The following CNP variants were observed in gnomAD, a reference collection of about 807,000 sequenced individuals.
The protein encoded by CNP is 2',3'-cyclic-nucleotide 3'-phosphodiesterase.
Under a neutral mutation model 37.9 loss-of-function variants are expected in CNP, and 8 were observed. The observed-to-expected ratio is 0.21, with a 90% CI of 0.12 to 0.38. CNP has a LOEUF of 0.38. Ranked by LOEUF, CNP falls within the 10% of genes least tolerant of loss-of-function variation. The pLI, the probability that CNP is intolerant of heterozygous loss-of-function variation, is 1.00. For missense variants in CNP, 457 were observed against 551.0 expected (o/e 0.83, Z 1.71); for synonymous variants, 237 against 238.3 (o/e 0.99, Z 0.05).
At position 41,976,456 on chromosome 17, in the gene CNP, A is replaced by G; in HGVS notation, c.*2532A>G. ...GGGCCAGGAAGGGTCAAAACATTTT[A>G]TTCTCTTTTTTTTTTCTTTTTTAAT... is the stretch of plus-strand genomic sequence containing the variant. On this transcript the variant is annotated 3_prime_UTR_variant, in exon 4 of 4. Coordinates refer to ENST00000393892, the MANE Select transcript of CNP (RefSeq NM_033133.5). 2.7e-6 allele frequency: 1 copy of G among 371,760 alleles called. No individual in the cohort carries two copies. The highest frequency in any genetic ancestry group is 4.6e-6 in the Non-Finnish European group (1 of 216,358). The allele number at this position is 371,760 out of a possible 1,614,324, so 23.0% of individuals were successfully genotyped here. A position where few individuals can be genotyped will look rare whatever the true frequency, so the allele number is the denominator to read the frequency against.
rs1402139977 is a variant in CNP, at chr17:41,973,537, C to T, written c.879C>T (p.Pro293=). ...TLTISALFVT[P]KTTGARVELS... ...CCATCTCTGCCCTCTTTGTGACACC[C>T]AAGACGACTGGGGCCCGGGTGGAGT... Residue 293 remains proline (P), a synonymous_variant, in exon 4 of 4, where the codon CCC becomes CCT. Coordinates refer to ENST00000393892, the MANE Select transcript of CNP (RefSeq NM_033133.5). 1.2e-6 allele frequency: 2 copies of T among 1,614,120 alleles called. No homozygotes were observed. The highest frequency in any genetic ancestry group is 2.2e-5 in the East Asian group (1 of 44,900).
intron 1 of CNP, 141 bp downstream of exon 1, chr17:41,967,028 C>G: frequency 1.0e-6 from 1 of 1,003,900 alleles, no homozygotes. Context: ...TCAGGGCGGC[C>G]CTGAGGTCTG....
At position 41,976,868 on chromosome 17, in the gene CNP, TCAAA is replaced by T; in HGVS notation, c.*2947_*2950del. ...AAAGTCTTCAAGGGCTGCTTCAAACTCAAACACAGAGAGAAACTCTATGGGTATC... is the reference window on the plus strand; with the variant it reads ...AAAGTCTTCAAGGGCTGCTTCAAACTCACAGAGAGAAACTCTATGGGTATC... On this transcript the variant is annotated 3_prime_UTR_variant, in exon 4 of 4. Transcript: ENST00000393892. The T allele has an allele frequency of 2.1e-6, 3 of 1,459,118 alleles. No homozygotes were observed. The highest frequency in any genetic ancestry group is 2.8e-6 in the Non-Finnish European group (3 of 1,076,310). The allele number at this position is 1,459,118 out of a possible 1,614,324, so 90.4% of individuals were successfully genotyped here. A position where few individuals can be genotyped will look rare whatever the true frequency, so the allele number is the denominator to read the frequency against.
At chr17:41,967,857 G>A (rs1371690311) in intron 1 of CNP, 7 of 1,399,720 alleles carry the variant, frequency 5.0e-6, no homozygotes, top group Non-Finnish European at 6.5e-6. Flanking sequence ...GGCAGGAATG[G>A]GGAAAGCGCA....
chr17:41,968,026 C>A lies in CNP; in HGVS notation c.4-42C>A, dbSNP rs782081629. The stretch of plus-strand genomic sequence containing the variant: ...CTAGGGGTAAGGCCGGCGGGGAGCC[C>A]GCGAATGACCTGGGCTGACATCTCT... On this transcript the variant is annotated intron_variant, in intron 1 of 3. Coordinates refer to ENST00000393892, the MANE Select transcript of CNP (RefSeq NM_033133.5). This position sits in a 1 kb window ranked among gnomAD's most constrained non-coding sequence, Gnocchi z 4.8. 1 of 1,573,970 alleles carries A rather than the reference C, an allele frequency of 6.4e-7. No individual in the cohort carries two copies. The highest frequency in any genetic ancestry group is 8.6e-7 in the Non-Finnish European group (1 of 1,157,406).
At position 41,973,555 on chromosome 17, in the gene CNP, G is replaced by C. The variant is rs368335643; in HGVS notation, c.897G>C (p.Arg299=). The change falls in exon 4 of 4, where the codon CGG becomes CGC. Residue 299 remains arginine (R), a synonymous_variant. Coordinates refer to ENST00000393892, the MANE Select transcript of CNP (RefSeq NM_033133.5). Reference sequence around the variant, plus strand: ...TGACACCCAAGACGACTGGGGCCCGGGTGGAGTTAAGCGAGCAGCAACTGC... The same window carrying C: ...TGACACCCAAGACGACTGGGGCCCGCGTGGAGTTAAGCGAGCAGCAACTGC... ...LFVTPKTTGA[R]VELSEQQLQL... is the part of the protein sequence containing the mutation. 3 of 1,614,120 alleles carry C rather than the reference G, an allele frequency of 1.9e-6. No homozygotes were observed. The highest frequency in any genetic ancestry group is 1.7e-6 in the Non-Finnish European group (2 of 1,180,064).
Position 41,976,696 on chromosome 17 carries a change from A to ATT in CNP, c.*2772_*2773insTT. The ATT allele has an allele frequency of 1.2e-6, 2 of 1,606,504 alleles. No homozygotes were observed. Among genetic ancestry groups the ATT allele is most frequent in the Non-Finnish European group, 1.7e-6 (2 of 1,177,916 alleles). On this transcript the variant is annotated 3_prime_UTR_variant, in exon 4 of 4. Transcript: ENST00000393892. ...TCCACATTCAAGATTAAACTGAGTGAATCTGCATTTTCTGGGTTCTGGGTG... is the reference window on the plus strand; with the variant it reads ...TCCACATTCAAGATTAAACTGAGTGATTATCTGCATTTTCTGGGTTCTGGGTG...
chr17:41,966,947 GC>G (rs35984996), intron 1 of CNP, 60 bp downstream of exon 1: 2 of 1,274,922 alleles, frequency 1.6e-6, no homozygotes, highest in Non-Finnish European at 2.0e-6. Flanking sequence ...GAGTGTCGGG[GC>G]CCCTCGGGAG....
chr17:41,968,205 A>C lies in CNP; in HGVS notation c.141A>C (p.Leu47=). The change falls in exon 2 of 4, where the codon CTA becomes CTC. Residue 47 remains leucine (L), a synonymous_variant. Coordinates refer to ENST00000393892, the MANE Select transcript of CNP (RefSeq NM_033133.5). The surrounding 1 kb of genome is among the most constrained non-coding windows in gnomAD (Gnocchi z 4.8). ...ATGAGGACACAGTGGCCACGCTGCT[A>C]GAGTGCAAGACGCTCTTCATCTTGC... ...LQDEDTVATL[L]ECKTLFILRG... is the part of the protein sequence containing the mutation. 6.2e-7 allele frequency: 1 copy of C among 1,614,166 alleles called. No individual in the cohort carries two copies. Among genetic ancestry groups the C allele is most frequent in the East Asian group, 2.2e-5 (1 of 44,868 alleles).
Position 41,976,631 on chromosome 17 carries a change from A to G in CNP, c.*2707A>G, listed in dbSNP as rs1484084824. On this transcript the variant is annotated 3_prime_UTR_variant, in exon 4 of 4. Coordinates refer to ENST00000393892, the MANE Select transcript of CNP (RefSeq NM_033133.5). The stretch of plus-strand genomic sequence containing the variant: ...CCAACTGAGAAAACGAAACTGCTCT[A>G]AGCACACGGAGACGTGATGAAGGGA... 9 of 1,485,284 alleles carry G rather than the reference A, an allele frequency of 6.1e-6. No individual in the cohort carries two copies. The East Asian group carries it at 6.9e-5, about 11-fold the overall frequency. The allele number at this position is 1,485,284 out of a possible 1,614,324, so 92.0% of individuals were successfully genotyped here. A position where few individuals can be genotyped will look rare whatever the true frequency, so the allele number is the denominator to read the frequency against.
At position 41,973,423 on chromosome 17, in the gene CNP, C is replaced by T. The variant is rs189232763; in HGVS notation, c.817-52C>T. 23 of 1,546,484 alleles carry T rather than the reference C, an allele frequency of 1.5e-5. No individual in the cohort carries two copies. The East Asian group carries it at 3.6e-4, about 24-fold the overall frequency. ...AGGGACCCTCCCTGGGTCAGCTGTTCCTCAAGAGCCTGCCATCTCTAGCTT... is the reference window on the plus strand; with the variant it reads ...AGGGACCCTCCCTGGGTCAGCTGTTTCTCAAGAGCCTGCCATCTCTAGCTT... On this transcript the variant is annotated intron_variant, in intron 3 of 3. Coordinates refer to ENST00000393892, the MANE Select transcript of CNP (RefSeq NM_033133.5).
Position 41,976,492 on chromosome 17 carries a change from A to T in CNP, c.*2568A>T. 1.9e-6 allele frequency: 1 copy of T among 516,636 alleles called. No individual in the cohort carries two copies. The allele number at this position is 516,636 out of a possible 1,614,324, so 32.0% of individuals were successfully genotyped here. On this transcript the variant is annotated 3_prime_UTR_variant, in exon 4 of 4. Coordinates refer to ENST00000393892, the MANE Select transcript of CNP (RefSeq NM_033133.5). ...TTTTTCTTTTTTAATAAAGTTAAAC[A>T]GTAAAACAAAAATTCACAAGCTGCC...
At chr17:41,967,085 G>A (rs926742406) in intron 1 of CNP, 198 bp downstream of exon 1, 3 of 490,604 alleles carry the variant, frequency 6.1e-6, no homozygotes, top group Admixed American at 8.9e-5. Flanking sequence ...GCTGTAAAGG[G>A]AAACGGTGGT....
rs1555644195 is a variant in CNP at position 41,973,662 on chromosome 17, G to A, written c.1004G>A (p.Cys335Tyr). The change falls in exon 4 of 4, where the codon TGT becomes TAT. Residue 335 changes from cysteine (C) to tyrosine (Y), a missense_variant. Around this residue, in one of 2 missense-constraint regions of CNP, gnomAD observed 291 missense variants for 291.7 expected, o/e 1.00. Transcript: ENST00000393892. ...AGCCGCGCCCACATCACCCTCGGCT[G>A]TGCAGCTGACGTAGAGGCCGTGCAG... ...RGSRAHITLG[C>Y]AADVEAVQTG... 4.3e-6 allele frequency: 7 copies of A among 1,613,938 alleles called. No homozygotes were observed. The highest frequency in any genetic ancestry group is 2.2e-5 in the East Asian group (1 of 44,898).
At chr17:41,971,758 A>G in intron 2 of CNP, 134 bp from the exon 3 acceptor site, 5 of 1,165,222 alleles carry the variant, frequency 4.3e-6, no homozygotes, top group African/African-American at 3.1e-5. Flanking sequence ...TAACCAATGA[A>G]TGAGCTGTAG....
At position 41,968,001 on chromosome 17, in the gene CNP, C is replaced by G. The variant is rs1471479662; in HGVS notation, c.4-67C>G. On this transcript the variant is annotated intron_variant, in intron 1 of 3. Transcript: ENST00000393892. This position sits in a 1 kb window ranked among gnomAD's most constrained non-coding sequence, Gnocchi z 4.8. The stretch of plus-strand genomic sequence containing the variant: ...AAGGCACCCACAACCAGTCTAGGGA[C>G]TAGGGGTAAGGCCGGCGGGGAGCCC... 3.0e-5 allele frequency: 46 copies of G among 1,559,218 alleles called. No homozygotes were observed. Among genetic ancestry groups the G allele is most frequent in the Non-Finnish European group, 3.7e-5 (43 of 1,150,506 alleles).
rs11079028 is a variant in CNP, at chr17:41,974,115, G to A, written c.*191G>A. ...CGCCCTCTTCCCCTCTAATGCTCAC[G>A]CTCCCAACACAAGGTGGGCAGGGAG... On this transcript the variant is annotated 3_prime_UTR_variant, in exon 4 of 4. Transcript: ENST00000393892. 0.21 allele frequency: 97,733 copies of A among 461,592 alleles called. 12,267 individuals are homozygous for A. The highest frequency in any genetic ancestry group is 0.42 in the East Asian group (11,475 of 27,110). 28.6% of individuals were successfully genotyped at this position (461,592 alleles called of 1,614,324 possible).
Position 41,977,035 on chromosome 17 carries a change from T to C in CNP, c.*3111T>C. On this transcript the variant is annotated 3_prime_UTR_variant, in exon 4 of 4. Coordinates refer to ENST00000393892, the MANE Select transcript of CNP (RefSeq NM_033133.5). ...TTGGTACTAGGCAGTTAGAGATGCCTCCCTGACCCTGCAGAGATGCGGTGG... is the reference window on the plus strand; with the variant it reads ...TTGGTACTAGGCAGTTAGAGATGCCCCCCTGACCCTGCAGAGATGCGGTGG... The C allele has an allele frequency of 1.6e-6, 1 of 642,114 alleles. No homozygotes were observed. Among genetic ancestry groups the C allele is most frequent in the Non-Finnish European group, 2.7e-6 (1 of 373,294 alleles). The allele number at this position is 642,114 out of a possible 1,614,324, so 39.8% of individuals were successfully genotyped here.
In CNP at chr17:41,973,997, T is replaced by C; in HGVS notation, c.*73T>C. 7.9e-7 allele frequency: 1 copy of C among 1,259,098 alleles called. No individual in the cohort carries two copies. The highest frequency in any genetic ancestry group is 1.0e-6 in the Non-Finnish European group (1 of 977,434). 78.0% of individuals were successfully genotyped at this position (1,259,098 alleles called of 1,614,324 possible). Reference sequence around the variant, plus strand: ...ACGTGCCCTCTGTTTGATCCTTGTTTTGTGACATTTTTTTTTTTTTTTTTT... The same window carrying C: ...ACGTGCCCTCTGTTTGATCCTTGTTCTGTGACATTTTTTTTTTTTTTTTTT... On this transcript the variant is annotated 3_prime_UTR_variant, in exon 4 of 4. Transcript: ENST00000393892.
Sources: allele counts gnomAD v4.1 joint callset, GRCh38; gene constraint gnomAD v4.1.1; regional missense constraint gnomAD v4.1.1; non-coding constraint Gnocchi (gnomAD v3.1); transcripts MANE v1.5; gene names NCBI Gene and HGNC (gene_info 2026-07-23, HGNC 2026-07-21).